CNTNAP2: variants seen among roughly 807,000 people sequenced by gnomAD.
CNTNAP2 encodes the protein contactin-associated protein-like 2.
A neutral mutation model predicts 155.2 loss-of-function variants in CNTNAP2; 98 were observed. The observed-to-expected ratio is 0.63, with a 90% CI of 0.54 to 0.75. The LOEUF (loss-of-function observed/expected upper bound fraction) is 0.75. Ranked by LOEUF, CNTNAP2 falls within the 30% of genes least tolerant of loss-of-function variation. The pLI, the probability that CNTNAP2 is intolerant of heterozygous loss-of-function variation, is 0.00. For missense variants in CNTNAP2, 1,727 were observed against 1,688.1 expected (o/e 1.02, Z -0.40); for synonymous variants, 651 against 631.2 (o/e 1.03, Z -0.47).
chr7:147,666,554 G>A (rs1243132783), intron 13 of CNTNAP2, among the ~76,000 whole-genome samples: 1 of 152,134 alleles, frequency 6.6e-6, no homozygotes, highest in Non-Finnish European at 1.5e-5. Flanking sequence ...GTTATTTTAA[G>A]GTGTATTCCT....
chr7:146,774,995 C>CA (rs527927119), intron 2 of CNTNAP2, among the ~76,000 whole-genome samples: 2 of 152,090 alleles, frequency 1.3e-5, no homozygotes, highest in African/African-American at 4.8e-5. Flanking sequence ...AGGACAGAGG[C>CA]AAAAAACTCT....
At chr7:146,396,784 T>A (rs116372914) in intron 1 of CNTNAP2, among the ~76,000 whole-genome samples, 2 of 151,420 alleles carry the variant, frequency 1.3e-5, no homozygotes, top group Admixed American at 1.3e-4. Context: ...AGTACTAGCA[T>A]GCTAAATATT....
At chr7:147,782,304 G>A (rs763777049) in intron 13 of CNTNAP2, among the ~76,000 whole-genome samples, 11 of 152,216 alleles carry the variant, frequency 7.2e-5, no homozygotes, top group South Asian at 4.1e-4. Context: ...AAGCACAAGC[G>A]TGCTAACAGC....
chr7:148,241,904 G>A (rs1350009463), intron 20 of CNTNAP2, among the ~76,000 whole-genome samples: 2 of 152,108 alleles, frequency 1.3e-5, no homozygotes, highest in Non-Finnish European at 2.9e-5. Context: ...TGTTTACTTC[G>A]TTTTACATTT....
chr7:147,812,651 CCT>C (rs1369687524), intron 13 of CNTNAP2, among the ~76,000 whole-genome samples: 2 of 152,166 alleles, frequency 1.3e-5, no homozygotes, highest in South Asian at 2.1e-4. Flanking sequence ...GGCCTCAGGT[CCT>C]CTCTCTGCTC....
intron 15 of CNTNAP2, among the ~76,000 whole-genome samples, chr7:147,995,434 T>C (rs1801785826): frequency 6.6e-6 from 1 of 152,012 alleles, no homozygotes; most frequent in East Asian, 1.9e-4. Flanking sequence ...TGTGGGAACA[T>C]CCAGATCTTC....
At chr7:146,662,148 T>C (rs1354632226) in intron 1 of CNTNAP2, among the ~76,000 whole-genome samples, 1 of 152,168 alleles carries the variant, frequency 6.6e-6, no homozygotes, top group Admixed American at 6.5e-5. Flanking sequence ...TCTCCTTTTT[T>C]TTTTTTAGAC....
intron 15 of CNTNAP2, among the ~76,000 whole-genome samples, chr7:148,093,371 T>C (rs987535311): frequency 6.6e-6 from 1 of 152,216 alleles, no homozygotes; most frequent in African/African-American, 2.4e-5. Context: ...ACAGCATTTC[T>C]CATACATATT....
At chr7:146,464,185 CTGTTT>C (rs1563094098) in intron 1 of CNTNAP2, among the ~76,000 whole-genome samples, 5 of 90,878 alleles carry the variant, frequency 5.5e-5, no homozygotes, top group Non-Finnish European at 9.7e-5. Flanking sequence ...TCCTTTGAAA[CTGTTT>C]TTTTTTTTTT....
intron 18 of CNTNAP2, among the ~76,000 whole-genome samples, chr7:148,212,881 A>C (rs1795572776): frequency 6.6e-6 from 1 of 152,214 alleles, no homozygotes; most frequent in African/African-American, 2.4e-5. Context: ...TCAGAATAAC[A>C]CTTTTGAACA....
chr7:148,124,500 C>T (rs1393722514), intron 16 of CNTNAP2, among the ~76,000 whole-genome samples: 2 of 152,122 alleles, frequency 1.3e-5, no homozygotes, highest in Non-Finnish European at 2.9e-5. Flanking sequence ...GCCACCACCT[C>T]CTGAGCACCT....
intron 1 of CNTNAP2, among the ~76,000 whole-genome samples, chr7:146,244,842 C>T (rs991169660): frequency 6.6e-6 from 1 of 152,112 alleles, no homozygotes; most frequent in Non-Finnish European, 1.5e-5. Context: ...AAGTGTCTAC[C>T]TAGGCTAAGA....
intron 13 of CNTNAP2, among the ~76,000 whole-genome samples, chr7:147,690,458 A>G (rs1796071236): frequency 6.6e-6 from 1 of 152,152 alleles, no homozygotes; most frequent in Non-Finnish European, 1.5e-5. Flanking sequence ...ACCAATGACT[A>G]TATCTCAGAC....
At chr7:148,004,361 T>C (rs1407938594) in intron 15 of CNTNAP2, among the ~76,000 whole-genome samples, 1 of 152,188 alleles carries the variant, frequency 6.6e-6, no homozygotes, top group Non-Finnish European at 1.5e-5. Context: ...TATTACTACA[T>C]AAATTTTTCT....
chr7:146,494,749 A>G (rs1257991816), intron 1 of CNTNAP2, among the ~76,000 whole-genome samples: 2 of 152,236 alleles, frequency 1.3e-5, no homozygotes, highest in Non-Finnish European at 2.9e-5. Context: ...CTCACTTTAT[A>G]TTTAAGTATA....
rs200278969 is a variant in CNTNAP2, at chr7:146,839,943, T to C, written c.402+39T>C. ...AGGAAAGCAAAGACACAGAATTGGA[T>C]TGGAAATATTAGAAAATGGTACAGG... On this transcript the variant is annotated intron_variant, in intron 3 of 23. Coordinates refer to ENST00000361727, the MANE Select transcript of CNTNAP2 (RefSeq NM_014141.6). 6.6e-5 allele frequency: 106 copies of C among 1,605,538 alleles called. No individual in the cohort carries two copies. The African/African-American group carries it at 8.3e-4, about 13-fold the overall frequency.
At chr7:147,448,300 T>C (rs1436861311) in intron 10 of CNTNAP2, among the ~76,000 whole-genome samples, 2 of 152,186 alleles carry the variant, frequency 1.3e-5, no homozygotes, top group East Asian at 3.9e-4. Context: ...AATTAAGATT[T>C]CCAAATTAAA....
In CNTNAP2 at chr7:147,054,155, A is replaced by T. The variant is rs138435835; in HGVS notation, c.550+10101A>T. On this transcript the variant is annotated intron_variant, in intron 4 of 23. Transcript: ENST00000361727. ...TATAATCTTAGTGATGGCCTACAGA[A>T]AATACAATTTTGTGAATTCTAATGA... Among the ~76,000 whole-genome samples, 547 of 152,280 alleles carry T rather than the reference A, an allele frequency of 3.6e-3. 8 individuals are homozygous for T. Among genetic ancestry groups the T allele is most frequent in the Middle Eastern group, 0.014 (4 of 294 alleles).
chr7:146,842,814 T>C (rs192891738), intron 3 of CNTNAP2, among the ~76,000 whole-genome samples: 5,119 of 151,394 alleles, frequency 0.034, 315 homozygotes, highest in African/African-American at 0.12. Flanking sequence ...GCCTCCCAAG[T>C]AGCTGGGACC....
Sources: allele counts gnomAD v4.1 joint callset (sites outside exome capture counted in the v4.1 genomes callset), GRCh38; gene constraint gnomAD v4.1.1; transcripts MANE v1.5; gene names NCBI Gene and HGNC (gene_info 2026-07-23, HGNC 2026-07-21).